The following USP13 variants were observed in gnomAD, a reference collection of about 807,000 sequenced individuals.
USP13 encodes the protein ubiquitin specific peptidase 13, also known as ubiquitin carboxyl-terminal hydrolase 13.
In USP13, 68 loss-of-function variants were observed where a neutral mutation model predicts 107.8. The ratio of observed to expected loss-of-function variants is 0.63; its 90% confidence interval spans 0.52 to 0.77. The LOEUF (loss-of-function observed/expected upper bound fraction) is 0.77, where lower values mean the gene tolerates loss of function less well. Among genes scored for constraint, USP13 ranks in the 30% least tolerant of loss-of-function variants. USP13 has a pLI of 0.00. For missense variants in USP13, 945 were observed against 1,093.3 expected, an observed-to-expected ratio of 0.86 and a Z score of 1.91; for synonymous variants, 377 against 389.5, an observed-to-expected ratio of 0.97 and a Z score of 0.38.
At chr3:179,656,043 G>A (rs1720249821) in intron 1 of USP13, among the ~76,000 whole-genome samples, 1 of 152,120 alleles carries the variant, frequency 6.6e-6, no homozygotes, top group African/African-American at 2.4e-5. Flanking sequence ...AAAACCAGCT[G>A]AGTGGAAAAA....
intron 19 of USP13, among the ~76,000 whole-genome samples, chr3:179,767,429 T>G (rs1265614804): frequency 1.4e-5 from 2 of 142,936 alleles, no homozygotes; most frequent in South Asian, 2.2e-4. Flanking sequence ...TTTTTTTTGG[T>G]TTTTTTTTTT....
rs888669336 is a variant in USP13 at position 179,653,471 on chromosome 3, G to A, written c.168+78G>A. On this transcript the variant is annotated intron_variant, in intron 1 of 20. Coordinates refer to ENST00000263966, the MANE Select transcript of USP13 (RefSeq NM_003940.3). The surrounding 1 kb of genome is among the most constrained non-coding windows in gnomAD (Gnocchi z 4.0). ...GAAGCCGGGGGAGAAGATGCGCAGT[G>A]GCGGCCGGGACCTCTTCTCTTCCTC... 6.6e-7 allele frequency: 1 copy of A among 1,503,934 alleles called. No individual in the cohort carries two copies. Among genetic ancestry groups the A allele is most frequent in the African/African-American group, 1.4e-5 (1 of 71,158 alleles). 93.2% of individuals were successfully genotyped at this position (1,503,934 alleles called of 1,614,324 possible).
In USP13 at chr3:179,745,201, A is replaced by G; in HGVS notation, c.1693A>G (p.Lys565Glu). 3.1e-6 allele frequency: 5 copies of G among 1,613,558 alleles called. No homozygotes were observed. The highest frequency in any genetic ancestry group is 4.2e-6 in the Non-Finnish European group (5 of 1,179,880). Residue 565 changes from lysine to glutamate, a missense_variant, in exon 13 of 21, where the codon AAG (lysine) becomes GAG (glutamate). Coordinates refer to ENST00000263966, the MANE Select transcript of USP13 (RefSeq NM_003940.3). ...DDFWSSALQA[K>E]SAGVKTSRFA... Reference sequence around the variant, plus strand: ...TTTCTGGAGCAGTGCCCTACAAGCAAAGTCTGCGGGTGTGAAGTAAGTGTG... The same window carrying G: ...TTTCTGGAGCAGTGCCCTACAAGCAGAGTCTGCGGGTGTGAAGTAAGTGTG...
chr3:179,700,899 C>A (rs569028851), intron 3 of USP13, 109 bp from the exon 4 acceptor site: 1 of 1,334,438 alleles, frequency 7.5e-7, no homozygotes, highest in South Asian at 1.5e-5. Flanking sequence ...ATGTCACACC[C>A]TTGGTATTTC....
At position 179,705,868 on chromosome 3, in the gene USP13, G is replaced by A. The variant is rs1027173727; in HGVS notation, c.478-1066G>A. On this transcript the variant is annotated intron_variant, in intron 4 of 20. Coordinates refer to ENST00000263966, the MANE Select transcript of USP13 (RefSeq NM_003940.3). ...CTCCTGAGTAGCTGGGACTACAGGC[G>A]CATGCCACCACACCTGGCTAATTTT... Among the ~76,000 whole-genome samples, 6 of 152,056 alleles carry A rather than the reference G, an allele frequency of 3.9e-5. No individual in the cohort carries two copies. The East Asian group carries it at 5.8e-4, about 15-fold the overall frequency.
chr3:179,764,298 A>T (rs1468757015), intron 18 of USP13, 130 bp downstream of exon 18: 1 of 1,329,312 alleles, frequency 7.5e-7, no homozygotes, highest in Non-Finnish European at 9.7e-7. Context: ...TGTGAATCTC[A>T]TCATAGCCCA....
rs1038627410 is a variant in USP13, at chr3:179,653,485, C to T, written c.168+92C>T. 1.4e-5 allele frequency: 20 copies of T among 1,470,946 alleles called. No individual in the cohort carries two copies. Among genetic ancestry groups the T allele is most frequent in the Admixed American group, 4.4e-5 (2 of 45,264 alleles). The allele number at this position is 1,470,946 out of a possible 1,614,324, so 91.1% of individuals were successfully genotyped here. Reference sequence around the variant, plus strand: ...AGATGCGCAGTGGCGGCCGGGACCTCTTCTCTTCCTCCGGGCGGCAGAGTT... The same window carrying T: ...AGATGCGCAGTGGCGGCCGGGACCTTTTCTCTTCCTCCGGGCGGCAGAGTT... On this transcript the variant is annotated intron_variant, in intron 1 of 20. Coordinates refer to ENST00000263966, the MANE Select transcript of USP13 (RefSeq NM_003940.3). This position sits in a 1 kb window ranked among gnomAD's most constrained non-coding sequence, Gnocchi z 4.0.
chr3:179,755,915 A>G (rs1226117852), intron 15 of USP13, among the ~76,000 whole-genome samples: 3 of 152,178 alleles, frequency 2.0e-5, no homozygotes. Flanking sequence ...AGGCATCTGT[A>G]TTATGTTGTT....
chr3:179,723,715 C>A (rs963974521), intron 8 of USP13, among the ~76,000 whole-genome samples: 1 of 152,162 alleles, frequency 6.6e-6, no homozygotes, highest in Non-Finnish European at 1.5e-5. Flanking sequence ...GAGCAATGAA[C>A]TATTCATACA....
intron 16 of USP13, 46 bp from the exon 17 acceptor site, chr3:179,761,066 C>T (rs762589483): frequency 3.9e-5 from 63 of 1,610,338 alleles, no homozygotes; most frequent in East Asian, 1.1e-4. Flanking sequence ...AGACAAGAAG[C>T]GACAGTTTCC....
intron 14 of USP13, among the ~76,000 whole-genome samples, chr3:179,753,270 C>A (rs1022169709): frequency 1.3e-5 from 2 of 152,194 alleles, no homozygotes; most frequent in Non-Finnish European, 2.9e-5. Context: ...CCGGCACTAA[C>A]AGTTACGCAG....
chr3:179,772,854 C>G (rs1560082254), intron 19 of USP13, among the ~76,000 whole-genome samples: 1 of 152,150 alleles, frequency 6.6e-6, no homozygotes, highest in Non-Finnish European at 1.5e-5. Context: ...TTCGTAGACC[C>G]TTTACAATTC....
In USP13 at chr3:179,788,927, A is replaced by G. The variant is rs898439658; in HGVS notation, c.*4786A>G. ...TTTCTGCCGAAAAACCAATATATAT[A>G]TGTATGATCCCAATTAAAAGACAAA... is the stretch of plus-strand genomic sequence containing the variant. On this transcript the variant is annotated 3_prime_UTR_variant, in exon 21 of 21. Transcript: ENST00000263966. 6.6e-6 allele frequency: 1 copy of G among 152,136 alleles called. No homozygotes were observed. The highest frequency in any genetic ancestry group is 2.4e-5 in the African/African-American group (1 of 41,434). 9.4% of individuals were successfully genotyped at this position (152,136 alleles called of 1,614,324 possible). A position where few individuals can be genotyped will look rare whatever the true frequency, so the allele number is the denominator to read the frequency against.
intron 3 of USP13, among the ~76,000 whole-genome samples, chr3:179,693,837 C>A (rs1055010908): frequency 8.2e-4 from 124 of 151,804 alleles, no homozygotes; most frequent in Non-Finnish European, 1.5e-3. Context: ...CCATGCCCAG[C>A]TAATTTTTGT....
chr3:179,669,470 A>T (rs939302467), intron 1 of USP13, among the ~76,000 whole-genome samples: 2 of 151,926 alleles, frequency 1.3e-5, no homozygotes, highest in Non-Finnish European at 2.9e-5. Flanking sequence ...AAAAAAAAAA[A>T]TTAAATAAAT....
At position 179,787,529 on chromosome 3, in the gene USP13, T is replaced by A. The variant is rs1210991945; in HGVS notation, c.*3388T>A. On this transcript the variant is annotated 3_prime_UTR_variant, in exon 21 of 21. Transcript: ENST00000263966. The stretch of plus-strand genomic sequence containing the variant: ...CTTATACTCCCCAGTTGAGGACCTG[T>A]GTCATTCTTAGTGGCCCCACGACCC... 1 of 152,260 alleles carries A rather than the reference T, an allele frequency of 6.6e-6. No individual in the cohort carries two copies. Among genetic ancestry groups the A allele is most frequent in the Non-Finnish European group, 1.5e-5 (1 of 68,058 alleles). The allele number at this position is 152,260 out of a possible 1,614,324, so 9.4% of individuals were successfully genotyped here.
At chr3:179,763,634 T>A (rs1017278334) in intron 17 of USP13, among the ~76,000 whole-genome samples, 1 of 152,234 alleles carries the variant, frequency 6.6e-6, no homozygotes, top group African/African-American at 2.4e-5. Flanking sequence ...TTGCCCAGGC[T>A]GGAGTGCAGT....
chr3:179,706,883 C>G (rs374686677), intron 4 of USP13, 51 bp from the exon 5 acceptor site: 1 of 1,546,152 alleles, frequency 6.5e-7, no homozygotes, highest in Non-Finnish European at 8.7e-7. Flanking sequence ...ACTAGCAAAT[C>G]GTTATTTTCT....
Position 179,653,351 on chromosome 3 carries a change from C to T in USP13, c.126C>T (p.Asp42=). The stretch of plus-strand genomic sequence containing the variant: ...CGATCCGCGTGCCCAGGTCCGGCGA[C>T]AGGGTCTACAAGAACGAGTGCGCCT... The part of the protein sequence containing the change: ...MPTIRVPRSG[D]RVYKNECAFS... The change falls in exon 1 of 21, where the codon GAC becomes GAT. Residue 42 remains aspartate (D), a synonymous_variant. Transcript: ENST00000263966. This position sits in a 1 kb window ranked among gnomAD's most constrained non-coding sequence, Gnocchi z 4.0. 6.3e-7 allele frequency: 1 copy of T among 1,576,480 alleles called. No individual in the cohort carries two copies. Among genetic ancestry groups the T allele is most frequent in the Middle Eastern group, 1.7e-4 (1 of 6,016 alleles).
Sources: gnomAD v4.1 joint callset for allele counts (sites outside exome capture counted in the v4.1 genomes callset) on GRCh38, gnomAD v4.1.1 for gene constraint, Gnocchi (gnomAD v3.1) non-coding constraint, MANE v1.5 for transcripts, NCBI Gene and HGNC (gene_info 2026-07-23, HGNC 2026-07-21) for gene names.